The following DDX46 variants were observed in gnomAD, a reference collection of about 807,000 sequenced individuals.
DDX46 encodes the protein probable ATP-dependent RNA helicase DDX46.
A neutral mutation model predicts 134.9 loss-of-function variants in DDX46; 30 were observed. That is an observed-to-expected ratio of 0.22 (90% CI 0.17 to 0.30). The LOEUF is 0.30. DDX46 is among the 10% of genes least tolerant of loss of function. DDX46 has a pLI of 1.00. For missense variants in DDX46, 622 were observed against 1,248.7 expected (o/e 0.50, Z 7.56); for synonymous variants, 415 against 404.1 (o/e 1.03, Z -0.32).
chr5:134,813,484 T>C (rs1389602696), intron 18 of DDX46, among the ~76,000 whole-genome samples: 3 of 152,204 alleles, frequency 2.0e-5, no homozygotes, highest in Non-Finnish European at 4.4e-5. Flanking sequence ...TCTTCACCTC[T>C]TTGCCTGTCC....
At chr5:134,821,536 GTT>G (rs558162733) in intron 21 of DDX46, among the ~76,000 whole-genome samples, 3 of 94,460 alleles carry the variant, frequency 3.2e-5, no homozygotes, top group Non-Finnish European at 6.7e-5. Flanking sequence ...TGGGTTTTTT[GTT>G]TTTTTTTTTT....
intron 21 of DDX46, among the ~76,000 whole-genome samples, chr5:134,824,200 A>G (rs1755529379): frequency 6.6e-6 from 1 of 152,198 alleles, no homozygotes; most frequent in African/African-American, 2.4e-5. Context: ...CTGTCAATTT[A>G]CACTCAGGAA....
intron 19 of DDX46, 118 bp downstream of exon 19, chr5:134,816,724 T>TG: frequency 9.8e-7 from 1 of 1,018,956 alleles, no homozygotes; most frequent in Non-Finnish European, 1.4e-6. Context: ...TTTGTGAGAA[T>TG]TTAACATTCT....
chr5:134,804,322 C>G (rs1754920033), intron 15 of DDX46, among the ~76,000 whole-genome samples: 1 of 152,146 alleles, frequency 6.6e-6, no homozygotes. Context: ...GGGTTTGCCA[C>G]AGACTAAATG....
At chr5:134,813,440 A>G (rs1473053271) in intron 18 of DDX46, among the ~76,000 whole-genome samples, 1 of 152,190 alleles carries the variant, frequency 6.6e-6, no homozygotes, top group Non-Finnish European at 1.5e-5. Context: ...TGCTTCCAAC[A>G]TCAGTCACTT....
chr5:134,798,173 G>GTT (rs1200526938), intron 15 of DDX46, among the ~76,000 whole-genome samples: 2 of 139,942 alleles, frequency 1.4e-5, no homozygotes, highest in Non-Finnish European at 3.1e-5. Flanking sequence ...GCCCCCCACC[G>GTT]TTTTTTTTTT....
At position 134,828,644 on chromosome 5, in the gene DDX46, T is replaced by G. The variant is rs779500525; in HGVS notation, c.3052-15T>G. The G allele has an allele frequency of 6.7e-7, 1 of 1,489,350 alleles. No individual in the cohort carries two copies. The highest frequency in any genetic ancestry group is 1.4e-5 in the South Asian group (1 of 70,630). The allele number at this position is 1,489,350 out of a possible 1,614,324, so 92.3% of individuals were successfully genotyped here. The stretch of plus-strand genomic sequence containing the variant: ...TTGCTTTCTCTGATGACATATCTTT[T>G]ATTTCCTATTACAGCAAAATTCATA... On this transcript the variant is annotated splice_polypyrimidine_tract_variant and intron_variant, in intron 22 of 22. Coordinates refer to ENST00000452510, the MANE Select transcript of DDX46 (RefSeq NM_001300860.2).
rs191289045 is a variant in DDX46, at chr5:134,770,883, C to T, written c.351-20C>T. The T allele has an allele frequency of 1.9e-6, 3 of 1,540,708 alleles. No individual in the cohort carries two copies. The highest frequency in any genetic ancestry group is 2.3e-5 in the East Asian group (1 of 42,664). On this transcript the variant is annotated intron_variant, in intron 3 of 22. Transcript: ENST00000452510. The stretch of plus-strand genomic sequence containing the variant: ...TACAAATGAATGACATTTCTCTTGT[C>T]TCTTTTATTTTTTTGGTAGATCTAG...
intron 21 of DDX46, among the ~76,000 whole-genome samples, chr5:134,819,773 A>G (rs1755390751): frequency 6.6e-6 from 1 of 151,048 alleles, no homozygotes; most frequent in Admixed American, 6.6e-5. Context: ...AGCTCAAGGG[A>G]CCCGCCCCCA....
At chr5:134,816,404 T>C in intron 18 of DDX46, 26 bp from the exon 19 acceptor site, 1 of 1,558,328 alleles carries the variant, frequency 6.4e-7, no homozygotes, top group Non-Finnish European at 8.7e-7. Context: ...AGTTTTTTAC[T>C]AGTCCTTTTT....
At chr5:134,771,593 T>G (rs1244567560) in intron 4 of DDX46, among the ~76,000 whole-genome samples, 1 of 149,824 alleles carries the variant, frequency 6.7e-6, no homozygotes. Context: ...TCCCAGCTAC[T>G]TGGGAGGCTA....
chr5:134,790,417 A>G, intron 12 of DDX46, 53 bp from the exon 13 acceptor site: 2 of 1,524,446 alleles, frequency 1.3e-6, no homozygotes, highest in Admixed American at 3.8e-5. Flanking sequence ...CATAAAATGA[A>G]TTGTGACTGA....
At chr5:134,785,873 G>A (rs968894158) in intron 11 of DDX46, among the ~76,000 whole-genome samples, 1 of 151,334 alleles carries the variant, frequency 6.6e-6, no homozygotes, top group African/African-American at 2.4e-5. Flanking sequence ...TTTTGAGATG[G>A]AGTCTCGCTC....
chr5:134,776,900 C>T (rs147362626), intron 5 of DDX46, among the ~76,000 whole-genome samples: 6 of 137,328 alleles, frequency 4.4e-5, no homozygotes, highest in African/African-American at 1.1e-4. Flanking sequence ...GGCAACAGAG[C>T]GAGACTCTGT....
chr5:134,802,739 GTCTC>G (rs1441785075), intron 15 of DDX46, among the ~76,000 whole-genome samples: 3 of 152,030 alleles, frequency 2.0e-5, no homozygotes, highest in Admixed American at 2.0e-4. Flanking sequence ...ACTGGTGTCA[GTCTC>G]TATTGACTGT....
At chr5:134,771,089 C>CTCTT (rs1332907037) in intron 4 of DDX46, 90 bp downstream of exon 4, 5 of 550,402 alleles carry the variant, frequency 9.1e-6, no homozygotes, top group South Asian at 2.2e-5. Flanking sequence ...TTCTTTCTTT[C>CTCTT]TCTTTCTTTC....
intron 11 of DDX46, among the ~76,000 whole-genome samples, 179 bp from the exon 12 acceptor site, chr5:134,788,334 A>C (rs1000984848): frequency 5.9e-5 from 9 of 152,050 alleles, no homozygotes; most frequent in Admixed American, 1.3e-4. Flanking sequence ...TTTGTTTCAA[A>C]TTTATGGCAC....
intron 5 of DDX46, among the ~76,000 whole-genome samples, chr5:134,774,177 C>T (rs944507287): frequency 6.6e-6 from 1 of 152,126 alleles, no homozygotes; most frequent in Admixed American, 6.5e-5. Context: ...TTTGTTTAGT[C>T]TAGCTACCTC....
intron 17 of DDX46, 145 bp downstream of exon 17, chr5:134,811,503 A>T: frequency 8.1e-7 from 1 of 1,230,874 alleles, no homozygotes; most frequent in Non-Finnish European, 1.1e-6. Context: ...AATGAGTGAA[A>T]GCTAAAATCC....
Sources: gnomAD v4.1 joint callset for allele counts (sites outside exome capture counted in the v4.1 genomes callset) on GRCh38, gnomAD v4.1.1 for gene constraint, MANE v1.5 for transcripts, NCBI Gene and HGNC (gene_info 2026-07-23, HGNC 2026-07-21) for gene names.